CRIP3: variants seen among roughly 807,000 people sequenced by gnomAD.
The protein encoded by CRIP3 is cysteine rich protein 3.
CRIP3 carries 23 observed loss-of-function variants against 30.3 expected under a neutral mutation model. That is an observed-to-expected ratio of 0.76 (90% confidence interval 0.55 to 1.08). The LOEUF (loss-of-function observed/expected upper bound fraction) is 1.08. CRIP3 is among the 50% of genes least tolerant of loss of function. The probability of loss-of-function intolerance (pLI) is 0.00; values close to 1 mark genes in which losing one functional copy is unlikely to be tolerated. For missense variants in CRIP3, 261 were observed against 259.3 expected (o/e 1.01, Z -0.04); for synonymous variants, 89 against 97.6 (o/e 0.91, Z 0.52).
Position 43,307,247 on chromosome 6 carries a change from C to T in CRIP3, c.328+365G>A, listed in dbSNP as rs541298870. On this transcript the variant is annotated intron_variant, in intron 4 of 7. Transcript: ENST00000372569. ...CTCCGCCTCCTGGGTTCAAATGATT[C>T]TCCTGCCTCAGCCTCCCAAGTAGCT... is the stretch of plus-strand genomic sequence containing the variant. 4 of 144,008 alleles carry T rather than the reference C, an allele frequency of 2.8e-5. No individual in the cohort carries two copies. The South Asian group carries it at 8.8e-4, about 32-fold the overall frequency. The allele number at this position is 144,008 out of a possible 1,614,324, so 8.9% of individuals were successfully genotyped here.
chr6:43,308,725 T>C, intron 1 of CRIP3, 25 bp downstream of exon 1: 1 of 1,613,276 alleles, frequency 6.2e-7, no homozygotes, highest in Non-Finnish European at 8.5e-7. Context: ...CCCCATCTTC[T>C]CCCCCTCCGC....
At chr6:43,305,915 T>C in intron 7 of CRIP3, 40 bp from the exon 8 acceptor site, 1 of 1,613,914 alleles carries the variant, frequency 6.2e-7, no homozygotes, top group Non-Finnish European at 8.5e-7. Context: ...CCTGGGTCTG[T>C]GGTGCAGGGT....
rs549669134 is a variant in CRIP3 at position 43,308,622 on chromosome 6, G to A, written c.43+128C>T. On this transcript the variant is annotated intron_variant, in intron 1 of 7. Transcript: ENST00000372569. ...AGACCCGAGTGGGAGCGGGTGGTGC[G>A]GAGACTACCAGCCGCTGCAGGTGAA... is the stretch of plus-strand genomic sequence containing the variant. The A allele has an allele frequency of 2.7e-4, 329 of 1,196,632 alleles. 1 individual carries two copies. Among genetic ancestry groups the A allele is most frequent in the South Asian group, 1.0e-3 (77 of 76,654 alleles). 74.1% of individuals were successfully genotyped at this position (1,196,632 alleles called of 1,614,324 possible). A position where few individuals can be genotyped will look rare whatever the true frequency, so the allele number is the denominator to read the frequency against.
rs1778972421 is a variant in CRIP3 at position 43,307,594 on chromosome 6, A to G, written c.328+18T>C. On this transcript the variant is annotated intron_variant, in intron 4 of 7. Transcript: ENST00000372569. ...AAGGGTCGGGAGGAGGACTGGGAGG[A>G]GCTGAGCCCAGCCTTACTTTTCTTG... The G allele has an allele frequency of 6.9e-7, 1 of 1,443,222 alleles. No individual in the cohort carries two copies. Among genetic ancestry groups the G allele is most frequent in the South Asian group, 1.7e-5 (1 of 59,494 alleles). The allele number at this position is 1,443,222 out of a possible 1,614,324, so 89.4% of individuals were successfully genotyped here. A position where few individuals can be genotyped will look rare whatever the true frequency, so the allele number is the denominator to read the frequency against.
At chr6:43,308,260 T>TG (rs1213819622) in intron 2 of CRIP3, 55 bp downstream of exon 2, 1 of 1,449,864 alleles carries the variant, frequency 6.9e-7, no homozygotes, top group South Asian at 1.3e-5. Context: ...GGCTGGTGCC[T>TG]GGGGGGTGGG....
At position 43,305,659 on chromosome 6, in the gene CRIP3, G is replaced by A. The variant is rs1778909128; in HGVS notation, c.*155C>T. 2.1e-6 allele frequency: 2 copies of A among 933,746 alleles called. No individual in the cohort carries two copies. Among genetic ancestry groups the A allele is most frequent in the African/African-American group, 3.3e-5 (2 of 60,466 alleles). 57.8% of individuals were successfully genotyped at this position (933,746 alleles called of 1,614,324 possible). A position where few individuals can be genotyped will look rare whatever the true frequency, so the allele number is the denominator to read the frequency against. On this transcript the variant is annotated 3_prime_UTR_variant, in exon 8 of 8. Transcript: ENST00000372569. ...GAAAGGGAAAAAATTGGCAGAGAAA[G>A]TCTAGACTCTCTGGCCTACCATGGA...
At position 43,306,451 on chromosome 6, in the gene CRIP3, T is replaced by C. The variant is rs761830344; in HGVS notation, c.395A>G (p.Tyr132Cys). ...AGTTTTCCACTGTTACTTACCAAAA[T>C]AGACGGGCTCCCCACAGCCAGGGCA... The part of the protein sequence containing the change: ...SLCPGCGEPV[Y>C]FAEKVMSLGR... Residue 132 changes from tyrosine to cysteine, a missense_variant, in exon 5 of 8, where the codon TAT becomes TGT. Coordinates refer to ENST00000372569, the MANE Select transcript of CRIP3 (RefSeq NM_206922.3). 15 of 1,550,788 alleles carry C rather than the reference T, an allele frequency of 9.7e-6. No individual in the cohort carries two copies. Among genetic ancestry groups the C allele is most frequent in the Non-Finnish European group, 1.1e-5 (13 of 1,141,296 alleles).
In CRIP3 at chr6:43,307,558, C is replaced by T; in HGVS notation, c.328+54G>A. On this transcript the variant is annotated intron_variant, in intron 4 of 7. Transcript: ENST00000372569. Reference sequence around the variant, plus strand: ...ACTGCCACCTGGCCCAACCTCCGCTCCAGCTTGGGGAAGGGTCGGGAGGAG... The same window carrying T: ...ACTGCCACCTGGCCCAACCTCCGCTTCAGCTTGGGGAAGGGTCGGGAGGAG... 5.8e-6 allele frequency: 8 copies of T among 1,377,468 alleles called. No homozygotes were observed. In the South Asian group the frequency reaches 1.5e-4, roughly 27 times the overall value. The allele number at this position is 1,377,468 out of a possible 1,614,324, so 85.3% of individuals were successfully genotyped here. A position where few individuals can be genotyped will look rare whatever the true frequency, so the allele number is the denominator to read the frequency against.
rs144058577 is a variant in CRIP3, at chr6:43,308,380, A to C, written c.73T>G (p.Trp25Gly). 4.5e-5 allele frequency: 72 copies of C among 1,613,042 alleles called. No homozygotes were observed. In the Middle Eastern group the frequency reaches 1.5e-3, roughly 33 times the overall value. ...TCACATTTCAGGCAGAAGCGGTGCC[A>C]GTTCTTGCCCAGGGAGCTCACCTTC... is the stretch of plus-strand genomic sequence containing the variant. ...AEKVSSLGKN[W>G]HRFCLKCERC... The change falls in exon 2 of 8, where the codon TGG becomes GGG. Residue 25 changes from tryptophan (W) to glycine (G), a missense_variant. By Grantham distance (184) the Trp-to-Gly change is radical (BLOSUM62 -2). Transcript: ENST00000372569.
rs371132803 is a variant in CRIP3, at chr6:43,305,910, G to A, written c.554-35C>T. On this transcript the variant is annotated intron_variant, in intron 7 of 7. Coordinates refer to ENST00000372569, the MANE Select transcript of CRIP3 (RefSeq NM_206922.3). ...AGAGCCCTATCACCAAAGGCCCTGGGTCTGTGGTGCAGGGTTCAGGCCTAG... is the reference window on the plus strand; with the variant it reads ...AGAGCCCTATCACCAAAGGCCCTGGATCTGTGGTGCAGGGTTCAGGCCTAG... The A allele has an allele frequency of 2.8e-5, 45 of 1,614,140 alleles. 1 individual carries two copies. The Middle Eastern group carries it at 6.6e-4, about 24-fold the overall frequency.
intron 1 of CRIP3, 27 bp downstream of exon 1, chr6:43,308,723 T>C: frequency 1.2e-6 from 2 of 1,613,478 alleles, no homozygotes; most frequent in Non-Finnish European, 1.7e-6. Flanking sequence ...CGCCCCATCT[T>C]CTCCCCCTCC....
rs780923110 is a variant in CRIP3, at chr6:43,306,128, A to G, written c.496-4T>C. On this transcript the variant is annotated splice_region_variant and splice_polypyrimidine_tract_variant and intron_variant, in intron 6 of 7. Coordinates refer to ENST00000372569, the MANE Select transcript of CRIP3 (RefSeq NM_206922.3). ...GGCAGTAGGGGACTCCATCATGCTGAGACACAGAGAGAAAGAGAGCTGTCT... is the reference window on the plus strand; with the variant it reads ...GGCAGTAGGGGACTCCATCATGCTGGGACACAGAGAGAAAGAGAGCTGTCT... 1.2e-6 allele frequency: 2 copies of G among 1,614,022 alleles called. No homozygotes were observed. Among genetic ancestry groups the G allele is most frequent in the Non-Finnish European group, 1.7e-6 (2 of 1,179,992 alleles).
At chr6:43,307,571 G>A in intron 4 of CRIP3, 41 bp downstream of exon 4, 2 of 1,381,660 alleles carry the variant, frequency 1.4e-6, no homozygotes, top group African/African-American at 1.5e-5. Flanking sequence ...GCTTGGGGAA[G>A]GGTCGGGAGG....
rs113170789 is a variant in CRIP3, at chr6:43,308,606, T to G, written c.43+144A>C. 1.2e-3 allele frequency: 1,249 copies of G among 1,050,104 alleles called. 17 individuals are homozygous for G. In the African/African-American group the frequency reaches 0.017, roughly 14 times the overall value. The allele number at this position is 1,050,104 out of a possible 1,614,324, so 65.0% of individuals were successfully genotyped here. A position where few individuals can be genotyped will look rare whatever the true frequency, so the allele number is the denominator to read the frequency against. ...CTCAGAGGAAGGGAGAAGACCCGAGTGGGAGCGGGTGGTGCGGAGACTACC... is the reference window on the plus strand; with the variant it reads ...CTCAGAGGAAGGGAGAAGACCCGAGGGGGAGCGGGTGGTGCGGAGACTACC... On this transcript the variant is annotated intron_variant, in intron 1 of 7. Transcript: ENST00000372569.
chr6:43,306,041 CCA>C, intron 7 of CRIP3, 24 bp downstream of exon 7: 1 of 1,610,030 alleles, frequency 6.2e-7, no homozygotes, highest in East Asian at 2.2e-5. Flanking sequence ...ACATGCCATC[CCA>C]GTGTCTGGGA....
intron 7 of CRIP3, 73 bp from the exon 8 acceptor site, chr6:43,305,948 G>T (rs778752973): frequency 3.1e-6 from 5 of 1,610,900 alleles, no homozygotes; most frequent in African/African-American, 2.7e-5. Context: ...GGAACTTGGT[G>T]GGGGGGCCAG....
Position 43,305,662 on chromosome 6 carries a change from T to C in CRIP3, c.*152A>G. The C allele has an allele frequency of 1.0e-6, 1 of 963,064 alleles. No individual in the cohort carries two copies. The highest frequency in any genetic ancestry group is 1.6e-6 in the Non-Finnish European group (1 of 624,598). The allele number at this position is 963,064 out of a possible 1,614,324, so 59.7% of individuals were successfully genotyped here. The stretch of plus-strand genomic sequence containing the variant: ...AGGGAAAAAATTGGCAGAGAAAGTC[T>C]AGACTCTCTGGCCTACCATGGAGCC... On this transcript the variant is annotated 3_prime_UTR_variant, in exon 8 of 8. Transcript: ENST00000372569.
At chr6:43,306,410 T>G (rs371829804) in intron 5 of CRIP3, 36 bp downstream of exon 5, 15 of 1,092,156 alleles carry the variant, frequency 1.4e-5, no homozygotes, top group Non-Finnish European at 2.0e-5. Flanking sequence ...CTGCCCACCC[T>G]GTATCCCCCT....
intron 4 of CRIP3, 167 bp downstream of exon 4, chr6:43,307,445 A>G: frequency 1.7e-6 from 1 of 601,270 alleles, no homozygotes; most frequent in East Asian, 3.3e-5. Context: ...AATAGAAAGA[A>G]AGAAAGAAAA....
Sources: gnomAD v4.1 joint callset for allele counts on GRCh38, gnomAD v4.1.1 for gene constraint, MANE v1.5 for transcripts, NCBI Gene and HGNC (gene_info 2026-07-23, HGNC 2026-07-21) for gene names.